EMC1: variants seen among roughly 807,000 people sequenced by gnomAD.
EMC1 encodes KIAA0090.
In EMC1, 103 loss-of-function variants were observed where a neutral mutation model predicts 128.8. The observed-to-expected ratio is 0.80, with a 90% CI of 0.68 to 0.94. The LOEUF (loss-of-function observed/expected upper bound fraction) is 0.94, where lower values mean the gene tolerates loss of function less well. Among genes scored for constraint, EMC1 ranks in the 40% least tolerant of loss-of-function variants. The pLI, the probability that EMC1 is intolerant of heterozygous loss-of-function variation, is 0.00. For missense variants in EMC1, 1,083 were observed against 1,250.6 expected (o/e 0.87, Z 2.02); for synonymous variants, 442 against 490.4 (o/e 0.90, Z 1.30).
intron 1 of EMC1, among the ~76,000 whole-genome samples, chr1:19,246,753 G>A (rs955286293): frequency 1.4e-4 from 21 of 152,156 alleles, no homozygotes; most frequent in African/African-American, 4.1e-4. Context: ...GTACTCCGGC[G>A]TGGGTGACAG....
At chr1:19,240,006 G>A (rs759390971) in intron 7 of EMC1, 21 bp from the exon 8 acceptor site, 2 of 1,600,976 alleles carry the variant, frequency 1.2e-6, no homozygotes, top group Non-Finnish European at 1.7e-6. Flanking sequence ...AGAAGGAGGA[G>A]GATTATGGCT....
At chr1:19,247,049 T>C (rs1008109221) in intron 1 of EMC1, among the ~76,000 whole-genome samples, 2 of 152,196 alleles carry the variant, frequency 1.3e-5, no homozygotes, top group Non-Finnish European at 2.9e-5. Context: ...TGCAAGCCAA[T>C]GAGCGAGGCC....
In EMC1 at chr1:19,231,372, C is replaced by A; in HGVS notation, c.1833G>T (p.Trp611Cys). Residue 611 changes from tryptophan (W) to cysteine (C), a missense_variant, in exon 16 of 23, where the codon TGG (tryptophan) becomes TGT (cysteine). By Grantham distance (215) the Trp-to-Cys change is radical. Transcript: ENST00000477853. ...TCAGCACTGGGGGAGCTACCTGACTCCACTTCCCAAAAATGGGATTGAAGA... is the reference window on the plus strand; with the variant it reads ...TCAGCACTGGGGGAGCTACCTGACTACACTTCCCAAAAATGGGATTGAAGA... ...LYVFNPIFGKWSQVAPPVLKR... is the reference protein window; with the variant it reads ...LYVFNPIFGKCSQVAPPVLKR... 2.5e-6 allele frequency: 4 copies of A among 1,611,918 alleles called. No individual in the cohort carries two copies. Among genetic ancestry groups the A allele is most frequent in the Non-Finnish European group, 3.4e-6 (4 of 1,179,504 alleles).
rs201134062 is a variant in EMC1, at chr1:19,237,099, G to A, written c.1309+43C>T. The A allele has an allele frequency of 2.0e-5, 28 of 1,393,488 alleles. No individual in the cohort carries two copies. The African/African-American group carries it at 3.7e-4, about 18-fold the overall frequency. The allele number at this position is 1,393,488 out of a possible 1,614,324, so 86.3% of individuals were successfully genotyped here. ...ACAGTCTGATTGGAACACATTGGAA[G>A]GCCTGGGGAAATAAAAAAATGGGTT... On this transcript the variant is annotated intron_variant, in intron 12 of 22. Coordinates refer to ENST00000477853, the MANE Select transcript of EMC1 (RefSeq NM_015047.3).
intron 10 of EMC1, 114 bp downstream of exon 10, chr1:19,238,680 CT>C: frequency 1.4e-6 from 1 of 711,278 alleles, no homozygotes; most frequent in East Asian, 2.5e-5. Context: ...CTTAGGAAAC[CT>C]CATTTGAAGC....
At chr1:19,247,285 C>T (rs578138244) in intron 1 of EMC1, among the ~76,000 whole-genome samples, 2 of 152,324 alleles carry the variant, frequency 1.3e-5, no homozygotes, top group East Asian at 3.9e-4. Context: ...GTAATACTCC[C>T]ATCTCAGCCT....
intron 6 of EMC1, 128 bp from the exon 7 acceptor site, chr1:19,240,574 G>T: frequency 1.9e-6 from 2 of 1,032,698 alleles, no homozygotes; most frequent in Non-Finnish European, 2.9e-6. Flanking sequence ...ATGGTTGGTT[G>T]TATAGGAGTT....
In EMC1 at chr1:19,241,069, T is replaced by G; in HGVS notation, c.583A>C (p.Ser195Arg). The G allele has an allele frequency of 6.2e-7, 1 of 1,614,124 alleles. No homozygotes were observed. Among genetic ancestry groups the G allele is most frequent in the Non-Finnish European group, 8.5e-7 (1 of 1,180,012 alleles). The stretch of plus-strand genomic sequence containing the variant: ...TTAAACTTGACAATGTTCACATGGC[T>G]GAAGGGAACAACTCCGAGGGCCCAC... ...VVWALGVVPF[S>R]HVNIVKFNVE... Residue 195 changes from serine (S) to arginine (R), a missense_variant, in exon 6 of 23, where the codon AGC (serine) becomes CGC (arginine). This residue lies in a region of EMC1 where 544 missense variants were observed against 572.4 expected (regional missense o/e 0.95). Coordinates refer to ENST00000477853, the MANE Select transcript of EMC1 (RefSeq NM_015047.3).
Position 19,219,149 on chromosome 1 carries a change from AGGAGTTCT to A in EMC1, c.*146_*153del. The A allele has an allele frequency of 1.5e-6, 1 of 674,240 alleles. No individual in the cohort carries two copies. Among genetic ancestry groups the A allele is most frequent in the South Asian group, 1.9e-5 (1 of 53,884 alleles). 41.8% of individuals were successfully genotyped at this position (674,240 alleles called of 1,614,324 possible). A position where few individuals can be genotyped will look rare whatever the true frequency, so the allele number is the denominator to read the frequency against. ...CTTTCTGCATCATGTATATCCCAAA[AGGAGTTCT>A]GCGTGAAGGTCATCCATCTTCCCTA... On this transcript the variant is annotated 3_prime_UTR_variant, in exon 23 of 23. Transcript: ENST00000477853.
At chr1:19,219,779 GT>G in intron 21 of EMC1, 81 bp from the exon 22 acceptor site, 2 of 1,536,298 alleles carry the variant, frequency 1.3e-6, no homozygotes, top group African/African-American at 2.7e-5. Context: ...GTCCTGGGAG[GT>G]TTCCAGGCTA....
rs558893845 is a variant in EMC1 at position 19,231,866 on chromosome 1, G to A, written c.1783-444C>T. On this transcript the variant is annotated intron_variant, in intron 15 of 22. Transcript: ENST00000477853. The stretch of plus-strand genomic sequence containing the variant: ...TCGAACTCCTGGACTCAAGCAATCC[G>A]CCCTCCTTGGCCTCCCAAAGTGCTG... 1.3e-3 allele frequency among the ~76,000 whole-genome samples: 205 copies of A among 152,108 alleles called. 1 individual carries two copies. The highest frequency in any genetic ancestry group is 4.7e-3 in the African/African-American group (196 of 41,518).
At chr1:19,223,102 A>G (rs2093444680) in intron 19 of EMC1, 6 of 559,526 alleles carry the variant, frequency 1.1e-5, no homozygotes, top group Non-Finnish European at 1.9e-5. Flanking sequence ...ACTAGGTGCC[A>G]GGCATTGTTC....
rs138031288 is a variant in EMC1 at position 19,232,732 on chromosome 1, T to C, written c.1674A>G (p.Lys558=). The C allele has an allele frequency of 1.2e-6, 2 of 1,614,156 alleles. No individual in the cohort carries two copies. The highest frequency in any genetic ancestry group is 1.6e-4 in the Middle Eastern group (1 of 6,062). ...CTGGCTTGACATTGGGTAGATACTG[T>C]TTCCACAGGATGGTGCCAGAGCTGC... ...IESSSGTILW[K]QYLPNVKPDS... is the part of the protein sequence containing the mutation. The change falls in exon 15 of 23, where the codon AAA becomes AAG. Residue 558 remains lysine, a synonymous_variant. Coordinates refer to ENST00000477853, the MANE Select transcript of EMC1 (RefSeq NM_015047.3).
At chr1:19,221,074 T>TA in intron 20 of EMC1, 3 of 383,590 alleles carry the variant, frequency 7.8e-6, no homozygotes, top group Non-Finnish European at 1.4e-5. Context: ...CACCAGAAAA[T>TA]AAAGTTCTAG....
intron 8 of EMC1, among the ~76,000 whole-genome samples, 195 bp from the exon 9 acceptor site, chr1:19,239,497 C>T (rs1454564509): frequency 6.6e-6 from 1 of 152,190 alleles, no homozygotes; most frequent in African/African-American, 2.4e-5. Flanking sequence ...ACTCTCCCTA[C>T]CTCCAACGCA....
intron 17 of EMC1, 134 bp from the exon 18 acceptor site, chr1:19,227,584 G>A: frequency 9.0e-7 from 1 of 1,111,776 alleles, no homozygotes; most frequent in Non-Finnish European, 1.3e-6. Flanking sequence ...CTAGAAAAAT[G>A]AGCCAGGAGC....
intron 1 of EMC1, among the ~76,000 whole-genome samples, chr1:19,247,693 G>A (rs943911525): frequency 2.0e-5 from 3 of 152,148 alleles, no homozygotes; most frequent in African/African-American, 7.2e-5. Context: ...CTTATTAAAA[G>A]AAAATTAACT....
In EMC1 at chr1:19,219,214, T is replaced by C; in HGVS notation, c.*89A>G. The C allele has an allele frequency of 7.6e-7, 1 of 1,320,926 alleles. No homozygotes were observed. The highest frequency in any genetic ancestry group is 1.1e-6 in the Non-Finnish European group (1 of 928,574). The allele number at this position is 1,320,926 out of a possible 1,614,324, so 81.8% of individuals were successfully genotyped here. A position where few individuals can be genotyped will look rare whatever the true frequency, so the allele number is the denominator to read the frequency against. On this transcript the variant is annotated 3_prime_UTR_variant, in exon 23 of 23. Transcript: ENST00000477853. ...TTAGCTGAGCACTGACACACACACA[T>C]ACTCCACCAATCCACCAAACTGCAG...
chr1:19,250,186 C>T (rs989877446), intron 1 of EMC1, among the ~76,000 whole-genome samples: 3 of 130,222 alleles, frequency 2.3e-5, no homozygotes, highest in African/African-American at 8.8e-5. Context: ...CGCCATTACA[C>T]TCCAGCCTGG....
Sources: allele counts gnomAD v4.1 joint callset (sites outside exome capture counted in the v4.1 genomes callset), GRCh38; gene constraint gnomAD v4.1.1; regional missense constraint gnomAD v4.1.1; transcripts MANE v1.5; gene names NCBI Gene and HGNC (gene_info 2026-07-23, HGNC 2026-07-21).